KCND3: variants seen among roughly 807,000 people sequenced by gnomAD.
The protein encoded by KCND3 is A-type voltage-gated potassium channel KCND3.
In KCND3, 9 loss-of-function variants were observed where a neutral mutation model predicts 51.1. The observed-to-expected ratio is 0.18, with a 90% CI of 0.11 to 0.31. The LOEUF (loss-of-function observed/expected upper bound fraction) is 0.31. Among genes scored for constraint, KCND3 ranks in the 10% least tolerant of loss-of-function variants. The pLI is 1.00. For synonymous variants in KCND3, 349 were observed against 368.0 expected, an observed-to-expected ratio of 0.95 and a Z score of 0.59; for missense variants, 526 against 903.8, an observed-to-expected ratio of 0.58 and a Z score of 5.36.
chr1:111,875,897 T>A (rs1300124998), intron 2 of KCND3, among the ~76,000 whole-genome samples: 1 of 152,230 alleles, frequency 6.6e-6, no homozygotes, highest in Admixed American at 6.5e-5. Flanking sequence ...GCTTTGAAGT[T>A]CCTCACAGCC....
intron 2 of KCND3, among the ~76,000 whole-genome samples, chr1:111,832,914 C>T (rs939359442): frequency 1.3e-5 from 2 of 152,184 alleles, no homozygotes; most frequent in African/African-American, 4.8e-5. Context: ...AGCTCACCAC[C>T]AGCAAACAGA....
chr1:111,857,706 C>T (rs1203732205), intron 2 of KCND3, among the ~76,000 whole-genome samples: 1 of 151,154 alleles, frequency 6.6e-6, no homozygotes, highest in East Asian at 1.9e-4. Context: ...CTCCCCAGCG[C>T]CAGGTGAACT....
At chr1:111,795,996 C>T (rs1237157466) in intron 2 of KCND3, among the ~76,000 whole-genome samples, 1 of 152,174 alleles carries the variant, frequency 6.6e-6, no homozygotes, top group Non-Finnish European at 1.5e-5. Flanking sequence ...TGAAAAGTGT[C>T]TGTTCATGTC....
intron 2 of KCND3, among the ~76,000 whole-genome samples, chr1:111,846,943 G>A (rs1667576988): frequency 6.6e-6 from 1 of 152,180 alleles, no homozygotes; most frequent in South Asian, 2.1e-4. Flanking sequence ...CTCCTACTGG[G>A]TCTCCCTCAC....
At chr1:111,965,332 T>C (rs761505524) in intron 2 of KCND3, among the ~76,000 whole-genome samples, 8 of 151,882 alleles carry the variant, frequency 5.3e-5, no homozygotes, top group Admixed American at 2.0e-4. Flanking sequence ...GGAGGGACTC[T>C]AGATGGCAGG....
chr1:111,877,815 G>T (rs1669117191), intron 2 of KCND3, among the ~76,000 whole-genome samples: 1 of 152,196 alleles, frequency 6.6e-6, no homozygotes, highest in African/African-American at 2.4e-5. Context: ...ATGGGAGCCA[G>T]CCTTGGACTG....
intron 3 of KCND3, 64 bp downstream of exon 3, chr1:111,786,880 C>T (rs1476245202): frequency 1.3e-6 from 2 of 1,594,504 alleles, no homozygotes; most frequent in Admixed American, 1.7e-5. Context: ...CTAGTCCTGG[C>T]TCCCTGACTG....
intron 2 of KCND3, among the ~76,000 whole-genome samples, chr1:111,859,596 C>G (rs1025784004): frequency 6.6e-6 from 1 of 152,152 alleles, no homozygotes; most frequent in Non-Finnish European, 1.5e-5. Context: ...TTTACAGAAG[C>G]CACAGTAAGC....
At chr1:111,863,437 G>C (rs1668422012) in intron 2 of KCND3, among the ~76,000 whole-genome samples, 1 of 152,218 alleles carries the variant, frequency 6.6e-6, no homozygotes, top group South Asian at 2.1e-4. Flanking sequence ...GAAGCCCTCA[G>C]CAAGGAAGAG....
Position 111,776,250 on chromosome 1 carries a change from C to T in KCND3, c.1795G>A (p.Asp599Asn), listed in dbSNP as rs1212724994. ...GTTTTGCAGTTTGGTCTCAGTCCGT[C>T]GTCTGCTTTCAAATTAAGGCTGGAG... ...SRSSLNLKAD[D>N]GLRPNCKTSQ... is the part of the protein sequence containing the mutation. Residue 599 changes from aspartate (D) to asparagine (N), a missense_variant, in exon 8 of 8, where the codon GAC (aspartate) becomes AAC (asparagine). By Grantham distance (23) the Asp-to-Asn change is conservative (BLOSUM62 1). Transcript: ENST00000302127. 5 of 1,614,078 alleles carry T rather than the reference C, an allele frequency of 3.1e-6. No individual in the cohort carries two copies. Among genetic ancestry groups the T allele is most frequent in the South Asian group, 1.1e-5 (1 of 91,074 alleles).
At chr1:111,932,073 C>T (rs1026536837) in intron 2 of KCND3, among the ~76,000 whole-genome samples, 21 of 152,220 alleles carry the variant, frequency 1.4e-4, no homozygotes, top group Non-Finnish European at 2.5e-4. Context: ...CGCAGCAGGC[C>T]GAGTCCTTCT....
chr1:111,828,212 C>G (rs998897974), intron 2 of KCND3, among the ~76,000 whole-genome samples: 1 of 121,698 alleles, frequency 8.2e-6, no homozygotes, highest in Non-Finnish European at 1.9e-5. Flanking sequence ...TTGGTGTGGG[C>G]AGCAAGTCTT....
Position 111,780,650 on chromosome 1 carries a change from C to T in KCND3, c.1371+40G>A. The T allele has an allele frequency of 6.6e-7, 1 of 1,505,268 alleles. No individual in the cohort carries two copies. Among genetic ancestry groups the T allele is most frequent in the Non-Finnish European group, 9.1e-7 (1 of 1,094,772 alleles). 93.2% of individuals were successfully genotyped at this position (1,505,268 alleles called of 1,614,324 possible). Reference sequence around the variant, plus strand: ...GGGAAAGAGAAAACAAGCCCATCTACCCCTTTATGTTCCCTAGCCCAGGTC... The same window carrying T: ...GGGAAAGAGAAAACAAGCCCATCTATCCCTTTATGTTCCCTAGCCCAGGTC... On this transcript the variant is annotated intron_variant, in intron 4 of 7. Transcript: ENST00000302127. This position sits in a 1 kb window ranked among gnomAD's most constrained non-coding sequence, Gnocchi z 4.2.
chr1:111,970,994 A>G (rs78371608), intron 2 of KCND3, among the ~76,000 whole-genome samples: 3,607 of 152,256 alleles, frequency 0.024, 100 homozygotes, highest in East Asian at 0.096. Context: ...TGCATCTGAC[A>G]TTTTTCTCCA....
rs532741200 is a variant in KCND3 at position 111,955,460 on chromosome 1, T to G, written c.1106+26161A>C. Among the ~76,000 whole-genome samples the G allele has an allele frequency of 5.6e-4, 86 of 152,258 alleles. 1 individual carries two copies. The highest frequency in any genetic ancestry group is 2.0e-3 in the African/African-American group (83 of 41,558). ...CAAAAACCATCTGCTTCAAGAAGCC[T>G]CTCATGGTGTCCCTGGGAGGGTAAA... is the stretch of plus-strand genomic sequence containing the variant. On this transcript the variant is annotated intron_variant, in intron 2 of 7. Transcript: ENST00000302127.
At chr1:111,974,890 A>C (rs569272986) in intron 2 of KCND3, among the ~76,000 whole-genome samples, 2 of 152,376 alleles carry the variant, frequency 1.3e-5, no homozygotes, top group South Asian at 4.1e-4. Context: ...CAAAAATTGC[A>C]GCAATTTGAA....
chr1:111,989,463 C>T (rs1347473872), intron 1 of KCND3, among the ~76,000 whole-genome samples, 42 bp downstream of exon 1: 3 of 151,980 alleles, frequency 2.0e-5, no homozygotes, highest in Non-Finnish European at 1.5e-5. Flanking sequence ...CAGCGCTCCT[C>T]GCACTTCCTG....
At chr1:111,892,702 G>A (rs1409626025) in intron 2 of KCND3, among the ~76,000 whole-genome samples, 2 of 152,320 alleles carry the variant, frequency 1.3e-5, no homozygotes, top group African/African-American at 4.8e-5. Context: ...GATGGAGTGG[G>A]GCTCCCCTAG....
chr1:111,786,953 C>T lies in KCND3; in HGVS notation c.1260G>A (p.Arg420=), dbSNP rs1398276069. ...TGCGTCTGAGGCTTACCTTTTGTGC[C>T]CTGCGTTTATCAGCTCTCTGATTCT... ...YHQNQRADKR[R]AQKKARLARI... Residue 420 remains arginine, a synonymous_variant, in exon 3 of 8, where the codon AGG becomes AGA. Coordinates refer to ENST00000302127, the MANE Select transcript of KCND3 (RefSeq NM_001378969.1). 1.9e-6 allele frequency: 3 copies of T among 1,614,030 alleles called. No individual in the cohort carries two copies. Among genetic ancestry groups the T allele is most frequent in the East Asian group, 2.2e-5 (1 of 44,898 alleles).
Sources: gnomAD v4.1 joint callset for allele counts (sites outside exome capture counted in the v4.1 genomes callset) on GRCh38, gnomAD v4.1.1 for gene constraint, Gnocchi (gnomAD v3.1) non-coding constraint, MANE v1.5 for transcripts, NCBI Gene and HGNC (gene_info 2026-07-23, HGNC 2026-07-21) for gene names.